SETBP1: variants seen among roughly 807,000 people sequenced by gnomAD.
The protein encoded by SETBP1 is SET binding protein 1, also known as SET-binding protein.
In SETBP1, 9 loss-of-function variants were observed where a neutral mutation model predicts 101.0. The ratio of observed to expected loss-of-function variants is 0.09; its 90% confidence interval spans 0.05 to 0.16. SETBP1 has a LOEUF of 0.16. Ranked by LOEUF, SETBP1 falls within the 10% of genes least tolerant of loss-of-function variation. The pLI, the probability that SETBP1 is intolerant of heterozygous loss-of-function variation, is 1.00. For missense variants in SETBP1, 1,858 were observed against 2,033.8 expected, an observed-to-expected ratio of 0.91 and a Z score of 1.66; for synonymous variants, 818 against 788.5, an observed-to-expected ratio of 1.04 and a Z score of -0.63.
chr18:44,983,426 A>G (rs1568008752), intron 4 of SETBP1, among the ~76,000 whole-genome samples: 3 of 152,150 alleles, frequency 2.0e-5, no homozygotes, highest in Admixed American at 2.0e-4. Context: ...TACCCCCATT[A>G]TACAAATCAG....
chr18:44,728,039 G>T (rs2069754717), intron 2 of SETBP1, among the ~76,000 whole-genome samples: 1 of 152,176 alleles, frequency 6.6e-6, no homozygotes, highest in Non-Finnish European at 1.5e-5. Context: ...TCACTCTGAA[G>T]AATTAATGAA....
intron 2 of SETBP1, among the ~76,000 whole-genome samples, chr18:44,857,801 A>G (rs2073007745): frequency 6.6e-6 from 1 of 152,176 alleles, no homozygotes; most frequent in African/African-American, 2.4e-5. Flanking sequence ...ATGAAAGGAT[A>G]TCTTATTTGG....
At position 44,685,049 on chromosome 18, in the gene SETBP1, G is replaced by GA. The variant is rs559121440; in HGVS notation, c.-173+4030dup. On this transcript the variant is annotated intron_variant, in intron 1 of 5. Coordinates refer to ENST00000649279, the MANE Select transcript of SETBP1 (RefSeq NM_015559.3). ...CCAGGTAAAGAATGTGAGCAGCCCT[G>GA]AAGTCCATAGGATCCTCTGGGAGGT... Among the ~76,000 whole-genome samples, 14 of 152,288 alleles carry GA rather than the reference G, an allele frequency of 9.2e-5. 1 individual carries two copies. Among genetic ancestry groups the GA allele is most frequent in the African/African-American group, 3.1e-4 (13 of 41,560 alleles).
intron 2 of SETBP1, among the ~76,000 whole-genome samples, chr18:44,702,237 G>A (rs959010208): frequency 2.0e-5 from 3 of 152,212 alleles, no homozygotes; most frequent in Non-Finnish European, 2.9e-5. Context: ...TGGGTAGGCT[G>A]AGGATGAGGA....
chr18:44,904,890 A>G (rs1480760503), intron 3 of SETBP1, among the ~76,000 whole-genome samples: 1 of 152,186 alleles, frequency 6.6e-6, no homozygotes, highest in Non-Finnish European at 1.5e-5. Context: ...AAAAAGGCAC[A>G]TCTCTTCTGC....
intron 3 of SETBP1, among the ~76,000 whole-genome samples, chr18:44,883,822 G>A (rs923594625): frequency 6.6e-6 from 1 of 152,080 alleles, no homozygotes; most frequent in Non-Finnish European, 1.5e-5. Context: ...TTGCAGAACT[G>A]GGTTTAAAAT....
chr18:44,847,922 A>G (rs2072756169), intron 2 of SETBP1, among the ~76,000 whole-genome samples: 1 of 152,140 alleles, frequency 6.6e-6, no homozygotes, highest in Non-Finnish European at 1.5e-5. Context: ...GCATCCCAGG[A>G]AAGAGCATTC....
At chr18:44,963,147 C>G (rs1178494332) in intron 4 of SETBP1, among the ~76,000 whole-genome samples, 1 of 152,170 alleles carries the variant, frequency 6.6e-6, no homozygotes, top group Non-Finnish European at 1.5e-5. Flanking sequence ...ATCCTCCCAA[C>G]CCCCACTGCC....
chr18:45,060,719 A>T (rs72898808), intron 5 of SETBP1, among the ~76,000 whole-genome samples: 19,823 of 152,118 alleles, frequency 0.13, 1,677 homozygotes, highest in South Asian at 0.22. Flanking sequence ...TGAATATGGA[A>T]TTATCTGCTA....
chr18:44,729,123 T>G (rs2069778592), intron 2 of SETBP1, among the ~76,000 whole-genome samples: 2 of 152,196 alleles, frequency 1.3e-5, no homozygotes, highest in African/African-American at 4.8e-5. Context: ...AGGTAGAGTT[T>G]GGATTGGAAC....
intron 2 of SETBP1, among the ~76,000 whole-genome samples, chr18:44,857,977 G>A (rs1249076050): frequency 3.3e-5 from 5 of 152,102 alleles, no homozygotes; most frequent in African/African-American, 4.8e-5. Flanking sequence ...TGTATGAGAC[G>A]CAAATACACA....
At chr18:44,794,500 C>T (rs376270582) in intron 2 of SETBP1, among the ~76,000 whole-genome samples, 13 of 152,186 alleles carry the variant, frequency 8.5e-5, no homozygotes, top group African/African-American at 3.1e-4. Flanking sequence ...GCAATGAGAT[C>T]GTAATTCAGA....
chr18:44,958,991 A>C (rs7235777), intron 4 of SETBP1, among the ~76,000 whole-genome samples: 36,006 of 151,910 alleles, frequency 0.24, 4,567 homozygotes, highest in East Asian at 0.55. Flanking sequence ...CAACGTAACA[A>C]AAAAAAATAG....
At chr18:44,819,686 G>C (rs2072063326) in intron 2 of SETBP1, among the ~76,000 whole-genome samples, 1 of 152,116 alleles carries the variant, frequency 6.6e-6, no homozygotes, top group Non-Finnish European at 1.5e-5. Context: ...ACAAGGAAGT[G>C]TAATTGTGTG....
chr18:45,010,935 CA>C (rs953235801), intron 4 of SETBP1, among the ~76,000 whole-genome samples: 7 of 152,088 alleles, frequency 4.6e-5, no homozygotes, highest in African/African-American at 1.7e-4. Flanking sequence ...TTTTAAAAGG[CA>C]AATGATAATT....
chr18:45,028,624 C>T (rs1224448088), intron 4 of SETBP1, among the ~76,000 whole-genome samples: 2 of 152,200 alleles, frequency 1.3e-5, no homozygotes, highest in African/African-American at 4.8e-5. Flanking sequence ...TACAGTCCCA[C>T]CAACAGTGTA....
At chr18:44,948,527 AGAT>A (rs200328217) in intron 3 of SETBP1, among the ~76,000 whole-genome samples, 1 of 151,916 alleles carries the variant, frequency 6.6e-6, no homozygotes, top group African/African-American at 2.4e-5. Context: ...ATAGATAGAT[AGAT>A]GATAGATAGA....
chr18:44,900,390 T>G (rs991093692), intron 3 of SETBP1, among the ~76,000 whole-genome samples: 6 of 152,230 alleles, frequency 3.9e-5, no homozygotes, highest in African/African-American at 1.4e-4. Context: ...AATTGACTGT[T>G]GATCATTATA....
chr18:44,760,248 C>T (rs996541234), intron 2 of SETBP1, among the ~76,000 whole-genome samples: 66 of 152,318 alleles, frequency 4.3e-4, no homozygotes, highest in African/African-American at 1.6e-3. Context: ...TAGAGGCCTC[C>T]TCTCATCAGG....
Sources: gnomAD v4.1 joint callset for allele counts (sites outside exome capture counted in the v4.1 genomes callset) on GRCh38, gnomAD v4.1.1 for gene constraint, MANE v1.5 for transcripts, NCBI Gene and HGNC (gene_info 2026-07-23, HGNC 2026-07-21) for gene names.